EIF5B: variants seen among roughly 807,000 people sequenced by gnomAD.
The protein encoded by EIF5B is eukaryotic translation initiation factor 5B, also known as eIF-5B.
EIF5B carries 47 observed loss-of-function variants against 147.5 expected under a neutral mutation model. The ratio of observed to expected loss-of-function variants is 0.32; its 90% CI spans 0.25 to 0.41. The LOEUF (loss-of-function observed/expected upper bound fraction) is 0.41. Ranked by LOEUF, EIF5B falls within the 10% of genes least tolerant of loss-of-function variation. The pLI is 1.00. For synonymous variants in EIF5B, 455 were observed against 456.2 expected (o/e 1.00, Z 0.03); for missense variants, 1,064 against 1,413.2 (o/e 0.75, Z 3.96).
intron 15 of EIF5B, 46 bp from the exon 16 acceptor site, chr2:99,390,173 T>TA (rs1484342210): frequency 9.9e-6 from 16 of 1,608,178 alleles, no homozygotes; most frequent in Non-Finnish European, 1.4e-5. Context: ...CTATTCCAGA[T>TA]ACGTTTTCTT....
At chr2:99,369,594 G>T in intron 8 of EIF5B, 113 bp downstream of exon 8, 1 of 738,872 alleles carries the variant, frequency 1.4e-6, no homozygotes. Flanking sequence ...TAAGTATCTG[G>T]CTGGATGGCC....
chr2:99,348,276 G>A (rs1306714907), intron 1 of EIF5B, among the ~76,000 whole-genome samples: 1 of 152,172 alleles, frequency 6.6e-6, no homozygotes, highest in East Asian at 1.9e-4. Flanking sequence ...GACATCGTAA[G>A]CTGGGAGGGT....
intron 21 of EIF5B, among the ~76,000 whole-genome samples, 155 bp downstream of exon 21, chr2:99,395,038 A>G (rs1675013899): frequency 6.6e-6 from 1 of 152,218 alleles, no homozygotes; most frequent in Non-Finnish European, 1.5e-5. Context: ...CAGAAACCCA[A>G]CATACTGGGG....
chr2:99,355,130 T>C (rs1245728311), intron 1 of EIF5B, among the ~76,000 whole-genome samples: 1 of 152,090 alleles, frequency 6.6e-6, no homozygotes, highest in Non-Finnish European at 1.5e-5. Context: ...TGTGGGACTG[T>C]TTTTGGGTTC....
chr2:99,352,379 G>T (rs978056056), intron 1 of EIF5B, among the ~76,000 whole-genome samples: 1 of 147,972 alleles, frequency 6.8e-6, no homozygotes, highest in South Asian at 2.2e-4. Context: ...ATTTTTAGTA[G>T]AGATGGAGTT....
In EIF5B at chr2:99,361,754, G is replaced by A. The variant is rs1433773313; in HGVS notation, c.853G>A (p.Val285Met). 2.5e-6 allele frequency: 4 copies of A among 1,588,622 alleles called. No homozygotes were observed. Among genetic ancestry groups the A allele is most frequent in the Non-Finnish European group, 3.4e-6 (4 of 1,173,942 alleles). The stretch of plus-strand genomic sequence containing the variant: ...TGAAGAAGAAACTGTAAAATCCAAA[G>A]TGACTGTTGATACTGGAGTAATTCC... ...KFEEETVKSK[V>M]TVDTGVIPAS... is the part of the protein sequence containing the mutation. The change falls in exon 4 of 24, where the codon GTG becomes ATG. Residue 285 changes from valine (V) to methionine (M), a missense_variant. By Grantham distance (21) the Val-to-Met change is conservative. This residue lies in a region of EIF5B where 458 missense variants were observed against 451.3 expected (regional missense o/e 1.01). Transcript: ENST00000289371.
At chr2:99,361,090 A>G in intron 3 of EIF5B, 58 bp from the exon 4 acceptor site, 2 of 1,365,384 alleles carry the variant, frequency 1.5e-6, no homozygotes, top group Non-Finnish European at 1.9e-6. Context: ...AATGAAGCAC[A>G]TGACTCTGGT....
Position 99,389,858 on chromosome 2 carries a change from GCCTT to G in EIF5B, c.2403+15_2403+18del. On this transcript the variant is annotated intron_variant, in intron 15 of 23. Coordinates refer to ENST00000289371, the MANE Select transcript of EIF5B (RefSeq NM_015904.4). ...TAGAATTTGCACAGCAGGTAAGAAGGCCTTCCTTCTTTCTGAAGAGCCTATCTCA... is the reference window on the plus strand; with the variant it reads ...TAGAATTTGCACAGCAGGTAAGAAGGCCTTCTTTCTGAAGAGCCTATCTCA... 1.3e-6 allele frequency: 2 copies of G among 1,597,404 alleles called. No homozygotes were observed. The highest frequency in any genetic ancestry group is 1.7e-6 in the Non-Finnish European group (2 of 1,175,382).
chr2:99,366,584 T>A (rs184869174), intron 6 of EIF5B, among the ~76,000 whole-genome samples: 1 of 152,064 alleles, frequency 6.6e-6, no homozygotes, highest in East Asian at 2.0e-4. Context: ...ATTAGTGACT[T>A]CATTCAAAAT....
intron 14 of EIF5B, among the ~76,000 whole-genome samples, chr2:99,389,178 T>A (rs1011830683): frequency 6.6e-6 from 1 of 152,164 alleles, no homozygotes; most frequent in African/African-American, 2.4e-5. Context: ...CTTTTGATTG[T>A]TTGTTTGGCT....
intron 10 of EIF5B, among the ~76,000 whole-genome samples, chr2:99,377,379 C>T (rs530629827): frequency 6.6e-5 from 10 of 151,544 alleles, no homozygotes; most frequent in South Asian, 2.1e-4. Context: ...GGTTTCTCAG[C>T]CTTGGCACTA....
In EIF5B at chr2:99,364,221, A is replaced by G. The variant is rs200642937; in HGVS notation, c.1138-50A>G. The G allele has an allele frequency of 1.2e-4, 182 of 1,519,002 alleles. 1 individual carries two copies. In the South Asian group the frequency reaches 2.3e-3, roughly 19 times the overall value. The allele number at this position is 1,519,002 out of a possible 1,614,324, so 94.1% of individuals were successfully genotyped here. Reference sequence around the variant, plus strand: ...TTTGGATTGTTTACATTTGAATTTTATAGTTCATTAAATGAATACAGGTTT... The same window carrying G: ...TTTGGATTGTTTACATTTGAATTTTGTAGTTCATTAAATGAATACAGGTTT... On this transcript the variant is annotated intron_variant, in intron 5 of 23. Transcript: ENST00000289371.
At chr2:99,364,515 G>C (rs1674286137) in intron 6 of EIF5B, 94 bp downstream of exon 6, 4 of 1,209,824 alleles carry the variant, frequency 3.3e-6, no homozygotes, top group Non-Finnish European at 4.4e-6. Context: ...ATTTGCATCA[G>C]GACAGTTCCT....
chr2:99,374,166 G>T (rs1674515638), intron 9 of EIF5B, among the ~76,000 whole-genome samples: 1 of 151,784 alleles, frequency 6.6e-6, no homozygotes, highest in African/African-American at 2.4e-5. Flanking sequence ...GCGTGCGCCT[G>T]TAATCCTAGC....
chr2:99,398,090 T>C (rs573721232), intron 22 of EIF5B: 1 of 152,328 alleles, frequency 6.6e-6, no homozygotes, highest in East Asian at 1.9e-4. Context: ...CATCTAGTAC[T>C]TTCCCTGGCC....
intron 14 of EIF5B, among the ~76,000 whole-genome samples, chr2:99,383,861 T>C (rs1364429471): frequency 8.3e-6 from 1 of 120,854 alleles, no homozygotes; most frequent in Non-Finnish European, 1.8e-5. Flanking sequence ...AAGGTCAGGC[T>C]GACTCTCTAG....
At chr2:99,397,156 ACTCAGTGCTGAT>A (rs1264294864) in intron 22 of EIF5B, 6 of 294,036 alleles carry the variant, frequency 2.0e-5, no homozygotes, top group East Asian at 1.8e-4. Context: ...GTCAGTGTTG[ACTCAGTGCTGAT>A]CTCAGTGCTT....
At chr2:99,348,554 C>T (rs2094277947) in intron 1 of EIF5B, among the ~76,000 whole-genome samples, 1 of 152,176 alleles carries the variant, frequency 6.6e-6, no homozygotes. Context: ...GAAGGTGGGA[C>T]TGAATTTCCC....
At chr2:99,381,841 A>G (rs556981464) in intron 12 of EIF5B, among the ~76,000 whole-genome samples, 1 of 152,288 alleles carries the variant, frequency 6.6e-6, no homozygotes, top group Non-Finnish European at 1.5e-5. Context: ...AGATTTCTAT[A>G]GAATATTTCA....
Sources: allele counts gnomAD v4.1 joint callset (sites outside exome capture counted in the v4.1 genomes callset), GRCh38; gene constraint gnomAD v4.1.1; regional missense constraint gnomAD v4.1.1; transcripts MANE v1.5; gene names NCBI Gene and HGNC (gene_info 2026-07-23, HGNC 2026-07-21).